RBFOX1: variants seen among roughly 807,000 people sequenced by gnomAD.
RBFOX1 encodes the protein RNA binding protein fox-1 homolog 1.
RBFOX1 carries 8 observed loss-of-function variants against 57.7 expected under a neutral mutation model. The observed-to-expected ratio is 0.14, with a 90% CI of 0.08 to 0.25. The LOEUF is 0.25. RBFOX1 is among the 10% of genes least tolerant of loss of function. The pLI is 1.00. For missense variants in RBFOX1, 611 were observed against 548.5 expected, an observed-to-expected ratio of 1.11 and a Z score of -1.14; for synonymous variants, 326 against 222.4, an observed-to-expected ratio of 1.47 and a Z score of -4.15.
chr16:7,522,083 C>A (rs1055484597), intron 5 of RBFOX1, among the ~76,000 whole-genome samples: 2 of 152,136 alleles, frequency 1.3e-5, no homozygotes, highest in African/African-American at 2.4e-5. Context: ...AGTGTCCCAG[C>A]CCTGGGGTCA....
chr16:7,084,450 G>A (rs1196507443), intron 4 of RBFOX1, among the ~76,000 whole-genome samples: 4 of 152,166 alleles, frequency 2.6e-5, no homozygotes, highest in African/African-American at 9.7e-5. Flanking sequence ...CATGGACCTA[G>A]TAATGTCTTA....
At chr16:6,298,540 T>C (rs1253831420) in intron 1 of RBFOX1, among the ~76,000 whole-genome samples, 1 of 152,208 alleles carries the variant, frequency 6.6e-6, no homozygotes, top group Non-Finnish European at 1.5e-5. Flanking sequence ...TCAAATTCAG[T>C]TGAACGCAGC....
chr16:6,815,579 C>A (rs1020348832), intron 3 of RBFOX1, among the ~76,000 whole-genome samples: 1 of 152,134 alleles, frequency 6.6e-6, no homozygotes, highest in Admixed American at 6.5e-5. Flanking sequence ...TCATTTAATC[C>A]TCCCGTCATT....
chr16:6,553,426 G>T (rs966057720), intron 2 of RBFOX1, among the ~76,000 whole-genome samples: 2 of 152,170 alleles, frequency 1.3e-5, no homozygotes, highest in Non-Finnish European at 2.9e-5. Context: ...CTCTTTTTGA[G>T]ATAAGTTAGC....
At position 7,607,225 on chromosome 16, in the gene RBFOX1, G is replaced by A. The variant is rs1228166325; in HGVS notation, c.623-60G>A. The A allele has an allele frequency of 5.6e-6, 8 of 1,436,326 alleles. No individual in the cohort carries two copies. In the Admixed American group the frequency reaches 7.9e-5, roughly 14 times the overall value. The allele number at this position is 1,436,326 out of a possible 1,614,324, so 89.0% of individuals were successfully genotyped here. On this transcript the variant is annotated intron_variant, in intron 9 of 15. Transcript: ENST00000550418. ...AACCCATTTGATTTGTGATTCATTTGCAATTATATAAGATGTTGAATCAAA... is the reference window on the plus strand; with the variant it reads ...AACCCATTTGATTTGTGATTCATTTACAATTATATAAGATGTTGAATCAAA...
At chr16:7,010,673 C>T (rs575122255) in intron 3 of RBFOX1, among the ~76,000 whole-genome samples, 21 of 152,186 alleles carry the variant, frequency 1.4e-4, no homozygotes, top group Middle Eastern at 3.4e-3. Flanking sequence ...AAGAGATTCT[C>T]CTGCCTCAGC....
intron 3 of RBFOX1, among the ~76,000 whole-genome samples, chr16:5,770,614 G>A (rs1354717751): frequency 6.6e-6 from 1 of 152,016 alleles, no homozygotes. Flanking sequence ...TGTTGCTCTA[G>A]TAAACACGCT....
intron 3 of RBFOX1, among the ~76,000 whole-genome samples, chr16:6,938,486 G>A (rs1254028351): frequency 2.0e-5 from 3 of 152,120 alleles, no homozygotes; most frequent in Admixed American, 6.5e-5. Flanking sequence ...AAATTTCTAA[G>A]TCTCATCCAT....
At chr16:5,774,211 G>A (rs1339444554) in intron 3 of RBFOX1, among the ~76,000 whole-genome samples, 1 of 152,156 alleles carries the variant, frequency 6.6e-6, no homozygotes, top group Non-Finnish European at 1.5e-5. Flanking sequence ...GGGGATTTGG[G>A]CAATGGGAAG....
At position 7,556,443 on chromosome 16, in the gene RBFOX1, G is replaced by C. The variant is rs113897998; in HGVS notation, c.271-23334G>C. ...TGATGGTACCCAAGATAAATGTATG[G>C]AACATATTATTTCCCATGATGGCCA... is the stretch of plus-strand genomic sequence containing the variant. On this transcript the variant is annotated intron_variant, in intron 5 of 15. Coordinates refer to ENST00000550418, the MANE Select transcript of RBFOX1 (RefSeq NM_018723.4). Among the ~76,000 whole-genome samples, 929 of 152,226 alleles carry C rather than the reference G, an allele frequency of 6.1e-3. 13 individuals carry two copies. The highest frequency in any genetic ancestry group is 0.021 in the African/African-American group (877 of 41,536).
At chr16:5,982,158 C>G (rs540524989) in intron 4 of RBFOX1, among the ~76,000 whole-genome samples, 128 of 152,340 alleles carry the variant, frequency 8.4e-4, no homozygotes, top group African/African-American at 3.0e-3. Flanking sequence ...GACCCTCTGA[C>G]TGCATCTCAC....
chr16:7,197,068 A>C (rs2086883790), intron 4 of RBFOX1, among the ~76,000 whole-genome samples: 1 of 152,166 alleles, frequency 6.6e-6, no homozygotes, highest in Non-Finnish European at 1.5e-5. Flanking sequence ...CTTGTGTGCT[A>C]GACACCTGAA....
chr16:5,781,036 T>C (rs894210680), intron 3 of RBFOX1, among the ~76,000 whole-genome samples: 1 of 152,236 alleles, frequency 6.6e-6, no homozygotes, highest in Admixed American at 6.5e-5. Context: ...TGGGTATTTC[T>C]CTCTCATTCT....
At chr16:6,400,479 T>C (rs544392320) in intron 2 of RBFOX1, among the ~76,000 whole-genome samples, 1 of 152,322 alleles carries the variant, frequency 6.6e-6, no homozygotes, top group South Asian at 2.1e-4. Flanking sequence ...GTAAATTTAC[T>C]GGTTGAAATG....
intron 3 of RBFOX1, among the ~76,000 whole-genome samples, chr16:5,824,139 T>A (rs765875256): frequency 1.3e-5 from 2 of 152,220 alleles, no homozygotes; most frequent in Non-Finnish European, 2.9e-5. Flanking sequence ...AGTGCTCTTA[T>A]CCACTTTGAG....
chr16:5,926,578 G>A (rs1032229533), intron 4 of RBFOX1, among the ~76,000 whole-genome samples: 1 of 152,090 alleles, frequency 6.6e-6, no homozygotes, highest in East Asian at 1.9e-4. Context: ...CCTCAGACTC[G>A]TAACTCGTTG....
At chr16:7,706,024 C>T (rs557904408) in intron 14 of RBFOX1, among the ~76,000 whole-genome samples, 9 of 152,264 alleles carry the variant, frequency 5.9e-5, no homozygotes, top group South Asian at 4.2e-4. Context: ...TTCCTGTGGA[C>T]ATCCTGGGTA....
chr16:6,487,705 ATAT>A (rs2095533694), intron 2 of RBFOX1, among the ~76,000 whole-genome samples: 5 of 4,022 alleles, frequency 1.2e-3, no homozygotes, highest in African/African-American at 1.7e-3. Context: ...AAAAAAATAT[ATAT>A]ATATATATAT....
chr16:5,289,769 G>T (rs1490234494), intron 1 of RBFOX1, among the ~76,000 whole-genome samples: 1 of 152,206 alleles, frequency 6.6e-6, no homozygotes, highest in Admixed American at 6.5e-5. Flanking sequence ...AATGGAGAGA[G>T]GGAGCTCAGT....
Sources: gnomAD v4.1 joint callset for allele counts (sites outside exome capture counted in the v4.1 genomes callset) on GRCh38, gnomAD v4.1.1 for gene constraint, MANE v1.5 for transcripts, NCBI Gene and HGNC (gene_info 2026-07-23, HGNC 2026-07-21) for gene names.